ZNF512B: variants seen among roughly 807,000 people sequenced by gnomAD.
ZNF512B encodes the protein zinc finger protein 512B.
In ZNF512B, 22 loss-of-function variants were observed where a neutral mutation model predicts 87.8. The observed-to-expected ratio is 0.25, with a 90% CI of 0.18 to 0.36. The LOEUF (loss-of-function observed/expected upper bound fraction) is 0.36. Among genes scored for constraint, ZNF512B ranks in the 10% least tolerant of loss-of-function variants. ZNF512B has a pLI of 1.00. For synonymous variants in ZNF512B, 524 were observed against 490.9 expected, an observed-to-expected ratio of 1.07 and a Z score of -0.89; for missense variants, 1,060 against 1,231.6, an observed-to-expected ratio of 0.86 and a Z score of 2.09.
At chr20:63,969,304 G>A in intron 1 of ZNF512B, 2 of 479,324 alleles carry the variant, frequency 4.2e-6, no homozygotes, top group Non-Finnish European at 5.4e-6. Context: ...GCAGAGACGC[G>A]ACTGGCGCCC....
At position 63,964,776 on chromosome 20, in the gene ZNF512B, A is replaced by G. The variant is rs775443317; in HGVS notation, c.1035-60T>C. 3 of 1,586,338 alleles carry G rather than the reference A, an allele frequency of 1.9e-6. No homozygotes were observed. In the Admixed American group the frequency reaches 5.2e-5, roughly 27 times the overall value. On this transcript the variant is annotated intron_variant, in intron 5 of 16. Transcript: ENST00000369888. ...CCTAACTGTGGGCCCCATTACCCCC[A>G]GGCCGTGGCCGAGGAGCACCCTGAC...
At position 63,967,926 on chromosome 20, in the gene ZNF512B, C is replaced by A. The variant is rs745394257; in HGVS notation, c.25G>T (p.Gly9Cys). 1 of 1,612,186 alleles carries A rather than the reference C, an allele frequency of 6.2e-7. No homozygotes were observed. Reference protein sequence around the residue: MTDPFCVGGRRLPGSSKSG... With the variant: MTDPFCVGCRRLPGSSKSG... ...TTGCTGGACCCCGGGAGCCGACGGCCTCCAACGCAGAAAGGATCCGTCATC... is the reference window on the plus strand; with the variant it reads ...TTGCTGGACCCCGGGAGCCGACGGCATCCAACGCAGAAAGGATCCGTCATC... Residue 9 changes from glycine (G) to cysteine (C), a missense_variant, in exon 2 of 17, where the codon GGC (glycine) becomes TGC (cysteine). By Grantham distance (159) the Gly-to-Cys change is radical (BLOSUM62 -3). Transcript: ENST00000369888.
chr20:63,962,910 A>G (rs891921124), intron 12 of ZNF512B, 129 bp from the exon 13 acceptor site: 4 of 1,253,010 alleles, frequency 3.2e-6, no homozygotes, highest in Admixed American at 5.5e-5. Context: ...TGGCTGACGC[A>G]GGCAACCCGA....
intron 1 of ZNF512B, among the ~76,000 whole-genome samples, chr20:63,969,415 C>T (rs1217036888): frequency 2.0e-5 from 3 of 151,778 alleles, no homozygotes; most frequent in Non-Finnish European, 4.4e-5. Flanking sequence ...ACGCCAGCAG[C>T]GGGTCCGCCG....
rs769257700 is a variant in ZNF512B, at chr20:63,966,220, G to A, written c.955C>T (p.Pro319Ser). The change falls in exon 5 of 17, where the codon CCG becomes TCG. Residue 319 changes from proline (P) to serine (S), a missense_variant. Physicochemically the swap from Pro to Ser is moderately conservative, Grantham distance 74. Coordinates refer to ENST00000369888, the MANE Select transcript of ZNF512B (RefSeq NM_020713.3). ...SRPIAISRHT[P>S]PCKMVLLTRS... The stretch of plus-strand genomic sequence containing the variant: ...GTCAGCAGCACCATTTTGCAGGGCG[G>A]TGTGTGTCTGCTGATAGCAATGGGC... 2 of 1,613,990 alleles carry A rather than the reference G, an allele frequency of 1.2e-6. No individual in the cohort carries two copies. The highest frequency in any genetic ancestry group is 1.7e-6 in the Non-Finnish European group (2 of 1,180,054).
Position 63,964,626 on chromosome 20 carries a change from G to C in ZNF512B, c.1125C>G (p.Ser375Arg), listed in dbSNP as rs773452242. The C allele has an allele frequency of 6.2e-7, 1 of 1,613,098 alleles. No individual in the cohort carries two copies. The highest frequency in any genetic ancestry group is 1.1e-5 in the South Asian group (1 of 91,066). ...TGTCTGCACTCAGCTGGAAGGCCGA[G>C]CTCTGGCCCATGGAGGAGGGGCCGT... Reference protein sequence around the residue: ...GEYGPSSMGQSSAFQLSADTS... With the variant: ...GEYGPSSMGQRSAFQLSADTS... Residue 375 changes from serine to arginine, a missense_variant, in exon 6 of 17, where the codon AGC becomes AGG. Around this residue, in one of 9 missense-constraint regions of ZNF512B, gnomAD observed 212 missense variants for 207.6 expected, o/e 1.02. Coordinates refer to ENST00000369888, the MANE Select transcript of ZNF512B (RefSeq NM_020713.3).
rs2058898031 is a variant in ZNF512B, at chr20:63,964,482, C to T, written c.1261+8G>A. The T allele has an allele frequency of 1.2e-6, 2 of 1,613,196 alleles. No homozygotes were observed. Among genetic ancestry groups the T allele is most frequent in the Non-Finnish European group, 1.7e-6 (2 of 1,179,850 alleles). On this transcript the variant is annotated splice_region_variant and intron_variant, in intron 6 of 16. Coordinates refer to ENST00000369888, the MANE Select transcript of ZNF512B (RefSeq NM_020713.3). The stretch of plus-strand genomic sequence containing the variant: ...CCCCGGCCGCCACCCCTGGAGCTCT[C>T]ATCTTACTGTGCTTTGTGCGCTCCG...
chr20:63,962,433 A>C, intron 13 of ZNF512B, 59 bp from the exon 14 acceptor site: 7 of 1,569,116 alleles, frequency 4.5e-6, no homozygotes, highest in Non-Finnish European at 6.0e-6. Flanking sequence ...AGCTGCTCTA[A>C]GAACACTCGC....
Position 63,964,312 on chromosome 20 carries a change from G to A in ZNF512B, c.1333+8C>T. The A allele has an allele frequency of 1.2e-6, 2 of 1,613,900 alleles. No homozygotes were observed. The highest frequency in any genetic ancestry group is 1.3e-5 in the African/African-American group (1 of 75,034). ...GCCCTGGAGGTGCACACCGGGCTGG[G>A]GTCTTACCTTTGAGCCCAAAGGTCC... On this transcript the variant is annotated splice_region_variant and intron_variant, in intron 7 of 16. Coordinates refer to ENST00000369888, the MANE Select transcript of ZNF512B (RefSeq NM_020713.3).
In ZNF512B at chr20:63,961,402, G is replaced by A. The variant is rs762377567; in HGVS notation, c.2334C>T (p.Ala778=). The A allele has an allele frequency of 1.2e-6, 2 of 1,611,614 alleles. No individual in the cohort carries two copies. Among genetic ancestry groups the A allele is most frequent in the Admixed American group, 3.3e-5 (2 of 60,008 alleles). The stretch of plus-strand genomic sequence containing the variant: ...GACAGCGGTACTTCCCTGCCAGGTG[G>A]GCCCCCTGCAATGCATAGGCAGGCC... The part of the protein sequence containing the change: ...KAHLASCSKG[A]HLAGKYRCLL... Residue 778 remains alanine, a synonymous_variant, in exon 16 of 17, where the codon GCC becomes GCT. Coordinates refer to ENST00000369888, the MANE Select transcript of ZNF512B (RefSeq NM_020713.3). The surrounding 1 kb of genome is among the most constrained non-coding windows in gnomAD (Gnocchi z 6.4).
chr20:63,963,297 C>T, intron 11 of ZNF512B, 32 bp from the exon 12 acceptor site: 1 of 1,537,000 alleles, frequency 6.5e-7, no homozygotes. Flanking sequence ...GGGTGAGTGG[C>T]CAGCAGGGCC....
intron 1 of ZNF512B, chr20:63,969,007 G>A (rs757855518): frequency 3.3e-6 from 2 of 599,816 alleles, no homozygotes; most frequent in African/African-American, 4.0e-5. Flanking sequence ...GATCCGAGGG[G>A]ATGGGAAGGG....
rs2058879176 is a variant in ZNF512B, at chr20:63,963,436, G to C, written c.1703C>G (p.Ser568Cys). 6.5e-7 allele frequency: 1 copy of C among 1,547,898 alleles called. No individual in the cohort carries two copies. The highest frequency in any genetic ancestry group is 8.7e-7 in the Non-Finnish European group (1 of 1,151,156). The change falls in exon 11 of 17, where the codon TCT becomes TGT. Residue 568 changes from serine to cysteine, a missense_variant. This residue lies in a region of ZNF512B where 165 missense variants were observed against 173.0 expected (regional missense o/e 0.95). Transcript: ENST00000369888. ...HTMAEHSAKP[S>C]DAEASEGGEQ... ...GCCCCCTTCGGAGGCCTCGGCGTCA[G>C]AGGGCTGGGGACAGGGTGAGCATCG...
chr20:63,965,978 C>G (rs2058918415), intron 5 of ZNF512B, among the ~76,000 whole-genome samples, 163 bp downstream of exon 5: 1 of 58,600 alleles, frequency 1.7e-5, no homozygotes, highest in Non-Finnish European at 3.5e-5. Flanking sequence ...ACCACTGTTC[C>G]TCCCCGACCT....
intron 6 of ZNF512B, 35 bp downstream of exon 6, chr20:63,964,454 CT>C (rs1248840819): frequency 6.2e-7 from 1 of 1,613,448 alleles, no homozygotes; most frequent in East Asian, 2.2e-5. Context: ...GAGGCCGAGC[CT>C]GCCCCGGCCG....
Position 63,959,579 on chromosome 20 carries a change from C to A in ZNF512B, c.*309G>T. 1 of 390,628 alleles carries A rather than the reference C, an allele frequency of 2.6e-6. No homozygotes were observed. The highest frequency in any genetic ancestry group is 4.5e-6 in the Non-Finnish European group (1 of 220,088). The allele number at this position is 390,628 out of a possible 1,614,324, so 24.2% of individuals were successfully genotyped here. A position where few individuals can be genotyped will look rare whatever the true frequency, so the allele number is the denominator to read the frequency against. Reference sequence around the variant, plus strand: ...AGCCGGGGGGCCAAAGGCCATCTGCCTACTCTGCGCTGCAGCCCCTGTGGC... The same window carrying A: ...AGCCGGGGGGCCAAAGGCCATCTGCATACTCTGCGCTGCAGCCCCTGTGGC... On this transcript the variant is annotated 3_prime_UTR_variant, in exon 17 of 17. Transcript: ENST00000369888.
Position 63,964,224 on chromosome 20 carries a change from G to A in ZNF512B, c.1334-7C>T. The A allele has an allele frequency of 6.2e-7, 1 of 1,606,414 alleles. No homozygotes were observed. The highest frequency in any genetic ancestry group is 1.7e-5 in the Admixed American group (1 of 58,528). On this transcript the variant is annotated splice_polypyrimidine_tract_variant and splice_region_variant and intron_variant, in intron 7 of 16. Coordinates refer to ENST00000369888, the MANE Select transcript of ZNF512B (RefSeq NM_020713.3). ...TCCTCAGCTTTGACCAGGCCTGTGT[G>A]CACACATGGGGTGGAGAGAAACAGG... is the stretch of plus-strand genomic sequence containing the variant.
rs1347245084 is a variant in ZNF512B, at chr20:63,957,007, C to T, written c.*2881G>A. 2 of 152,554 alleles carry T rather than the reference C, an allele frequency of 1.3e-5. No individual in the cohort carries two copies. The highest frequency in any genetic ancestry group is 4.8e-5 in the African/African-American group (2 of 41,456). The allele number at this position is 152,554 out of a possible 1,614,324, so 9.5% of individuals were successfully genotyped here. The stretch of plus-strand genomic sequence containing the variant: ...CAAGAAACCCAAAGCACGGGACGCC[C>T]GGCCGCGAGGCAGGGGAAAGCCTGG... On this transcript the variant is annotated 3_prime_UTR_variant, in exon 17 of 17. Coordinates refer to ENST00000369888, the MANE Select transcript of ZNF512B (RefSeq NM_020713.3).
At chr20:63,962,160 T>G (rs2058859797) in intron 14 of ZNF512B, 113 bp downstream of exon 14, 4 of 1,304,634 alleles carry the variant, frequency 3.1e-6, no homozygotes, top group Non-Finnish European at 4.2e-6. Context: ...AGGCCTGGGG[T>G]GGGCTTGGGC....
Sources: gnomAD v4.1 joint callset for allele counts (sites outside exome capture counted in the v4.1 genomes callset) on GRCh38, gnomAD v4.1.1 for gene constraint, gnomAD v4.1.1 regional missense constraint, Gnocchi (gnomAD v3.1) non-coding constraint, MANE v1.5 for transcripts, NCBI Gene and HGNC (gene_info 2026-07-23, HGNC 2026-07-21) for gene names.